Variants in SUN1 observed in about 807,000 individuals in gnomAD.
SUN1 encodes Sad1 and UNC84 domain containing 1.
Under a neutral mutation model 103.2 loss-of-function variants are expected in SUN1, and 61 were observed. The ratio of observed to expected loss-of-function variants is 0.59; its 90% confidence interval spans 0.48 to 0.73. SUN1 has a LOEUF of 0.73. Ranked by LOEUF, SUN1 falls within the 30% of genes least tolerant of loss-of-function variation. SUN1 has a pLI of 0.00. For synonymous variants in SUN1, 490 were observed against 425.7 expected (o/e 1.15, Z -1.86); for missense variants, 1,052 against 1,034.6 (o/e 1.02, Z -0.23).
rs774744172 is a variant in SUN1, at chr7:851,968, T to C, written c.776T>C (p.Val259Ala). 3 of 1,613,884 alleles carry C rather than the reference T, an allele frequency of 1.9e-6. No individual in the cohort carries two copies. Among genetic ancestry groups the C allele is most frequent in the Non-Finnish European group, 1.7e-6 (2 of 1,179,902 alleles). ...VVAPGKAASG[V>A]FWWLGIGWYQ... ...CTTGTAGGGAAGGCAGCCTCTGGAG[T>C]GTTCTGGTGGCTGGGGATTGGATGG... Residue 259 changes from valine (V) to alanine (A), a missense_variant, in exon 7 of 19, where the codon GTG becomes GCG. Transcript: ENST00000401592.
chr7:860,524 A>G, intron 14 of SUN1, 142 bp downstream of exon 14: 3 of 1,397,914 alleles, frequency 2.1e-6, no homozygotes, highest in South Asian at 1.4e-5. Flanking sequence ...AAGTGAGATG[A>G]GACGTGCCTG....
At chr7:851,806 C>A in intron 6 of SUN1, 144 bp from the exon 7 acceptor site, 1 of 757,302 alleles carries the variant, frequency 1.3e-6, no homozygotes, top group Non-Finnish European at 2.2e-6. Context: ...TTGCTTCCTG[C>A]CGTGGCGACT....
chr7:857,755 A>G, intron 12 of SUN1, 73 bp from the exon 13 acceptor site: 1 of 1,441,266 alleles, frequency 6.9e-7, no homozygotes, highest in Non-Finnish European at 9.2e-7. Flanking sequence ...GGTTCCCCTC[A>G]GCCTGTGTGT....
chr7:827,640 C>T (rs977417009), upstream of SUN1, among the ~76,000 whole-genome samples: 2 of 150,542 alleles, frequency 1.3e-5, no homozygotes, highest in Non-Finnish European at 3.0e-5. Context: ...CGGCTAATTT[C>T]TTGTATTTTT....
intron 9 of SUN1, 80 bp from the exon 10 acceptor site, chr7:853,329 G>C (rs1007318102): frequency 1.3e-6 from 2 of 1,524,610 alleles, no homozygotes; most frequent in East Asian, 4.5e-5. Flanking sequence ...TCTTGCTGTA[G>C]GACACTGTTT....
rs201804636 is a variant in SUN1, at chr7:860,335, G to T, written c.1732G>T (p.Val578Leu). 1.0e-4 allele frequency: 162 copies of T among 1,614,212 alleles called. No homozygotes were observed. In the African/African-American group the frequency reaches 2.1e-3, roughly 20 times the overall value. The stretch of plus-strand genomic sequence containing the variant: ...CAAGCAGCTCCCAACCTCAGAAGCC[G>T]TGGTGTCTGCTGTGAGCGAGGCGGG... The part of the protein sequence containing the change: ...VTKQLPTSEA[V>L]VSAVSEAGAS... The change falls in exon 14 of 19, where the codon GTG becomes TTG. Residue 578 changes from valine to leucine, a missense_variant. Transcript: ENST00000401592.
At position 835,560 on chromosome 7, in the gene SUN1, A is replaced by T. The variant is rs368484131; in HGVS notation, c.77+2959A>T. On this transcript the variant is annotated intron_variant, in intron 1 of 18. Coordinates refer to ENST00000401592, the MANE Select transcript of SUN1 (RefSeq NM_001130965.3). ...TTGGGTGATTTCCCTCTTAAATCTC[A>T]ATCTGTAATTCTTGTCAACTGGTAG... 4.1e-4 allele frequency among the ~76,000 whole-genome samples: 63 copies of T among 152,278 alleles called. 1 individual carries two copies. The East Asian group carries it at 9.4e-3, about 23-fold the overall frequency.
At chr7:817,507 G>T in intron 1 of SUN1, 1 of 1,536,052 alleles carries the variant, frequency 6.5e-7, no homozygotes, top group Non-Finnish European at 8.7e-7. Context: ...CAGGTGGGCG[G>T]TGCGGTCCGA....
chr7:825,140 G>C (rs1487944167), intron 1 of SUN1, among the ~76,000 whole-genome samples: 4 of 151,788 alleles, frequency 2.6e-5, no homozygotes, highest in Non-Finnish European at 4.4e-5. Flanking sequence ...CTCACTGCAA[G>C]CTCCACCTCC....
chr7:862,409 C>T (rs571985757), intron 15 of SUN1, among the ~76,000 whole-genome samples: 4 of 152,306 alleles, frequency 2.6e-5, no homozygotes, highest in South Asian at 4.1e-4. Context: ...ATTTGCCACC[C>T]TCTGAGTTCT....
intron 11 of SUN1, among the ~76,000 whole-genome samples, chr7:856,058 G>C (rs1371681815): frequency 6.6e-6 from 1 of 152,198 alleles, no homozygotes; most frequent in Non-Finnish European, 1.5e-5. Flanking sequence ...TTCACGTTTA[G>C]AACACACTCT....
intron 1 of SUN1, among the ~76,000 whole-genome samples, chr7:818,412 T>C (rs1189508015): frequency 3.3e-5 from 5 of 152,258 alleles, no homozygotes; most frequent in Admixed American, 2.0e-4. Context: ...TGTATAGATA[T>C]ACCACATTAT....
chr7:824,420 C>T (rs765135781), intron 1 of SUN1, among the ~76,000 whole-genome samples: 7 of 152,166 alleles, frequency 4.6e-5, no homozygotes, highest in South Asian at 2.1e-4. Context: ...CCCCATCGTA[C>T]TGGTTATAAG....
intron 17 of SUN1, among the ~76,000 whole-genome samples, chr7:871,584 T>G (rs992044760): frequency 2.0e-5 from 3 of 152,200 alleles, no homozygotes; most frequent in African/African-American, 7.2e-5. Context: ...GAGACAGGGT[T>G]TCACCATGTT....
rs145848687 is a variant in SUN1 at position 859,189 on chromosome 7, C to G, written c.1525-939C>G. 2.7e-4 allele frequency among the ~76,000 whole-genome samples: 41 copies of G among 152,008 alleles called. No individual in the cohort carries two copies. The East Asian group carries it at 7.9e-3, about 29-fold the overall frequency. On this transcript the variant is annotated intron_variant, in intron 13 of 18. Transcript: ENST00000401592. The stretch of plus-strand genomic sequence containing the variant: ...AAAAAGAAAAAGAAAAAGCATGTCA[C>G]CGTGCTATCAGGGAGCTGAGTCCTA...
chr7:839,008 C>G (rs931216061), intron 2 of SUN1, 22 bp downstream of exon 2: 2 of 1,518,320 alleles, frequency 1.3e-6, no homozygotes, highest in Non-Finnish European at 1.8e-6. Flanking sequence ...TGCACTTCCT[C>G]TCCATCTGAT....
At chr7:864,800 CAT>C (rs1835104003) in intron 15 of SUN1, among the ~76,000 whole-genome samples, 1 of 128,388 alleles carries the variant, frequency 7.8e-6, no homozygotes, top group Non-Finnish European at 1.7e-5. Flanking sequence ...GGCTAATTTT[CAT>C]ATTTTTAGTA....
At chr7:850,420 C>T (rs184971898) in intron 5 of SUN1, 4 of 162,946 alleles carry the variant, frequency 2.5e-5, no homozygotes, top group Admixed American at 1.8e-4. Flanking sequence ...AGGATGGTCT[C>T]GATTTCCTGA....
At chr7:847,907 TG>T (rs1465649028) in intron 5 of SUN1, among the ~76,000 whole-genome samples, 4 of 150,858 alleles carry the variant, frequency 2.7e-5, no homozygotes, top group Middle Eastern at 3.2e-3. Context: ...CGGGATCCCC[TG>T]GGGGTTACTC....
Sources: allele counts gnomAD v4.1 joint callset (sites outside exome capture counted in the v4.1 genomes callset), GRCh38; gene constraint gnomAD v4.1.1; transcripts MANE v1.5; gene names NCBI Gene and HGNC (gene_info 2026-07-23, HGNC 2026-07-21).